Variants in TRPM7 observed in about 807,000 individuals in gnomAD.
TRPM7 encodes LTRPC ion channel family member 7.
TRPM7 carries 134 observed loss-of-function variants against 229.7 expected under a neutral mutation model. The observed-to-expected ratio is 0.58, with a 90% CI of 0.51 to 0.67. TRPM7 has a LOEUF of 0.67. TRPM7 is among the 30% of genes least tolerant of loss of function. The pLI is 0.00. For missense variants in TRPM7, 1,901 were observed against 2,210.0 expected, an observed-to-expected ratio of 0.86 and a Z score of 2.80; for synonymous variants, 699 against 715.2, an observed-to-expected ratio of 0.98 and a Z score of 0.36.
chr15:50,580,518 A>G (rs957741640), intron 30 of TRPM7, among the ~76,000 whole-genome samples: 3 of 152,220 alleles, frequency 2.0e-5, no homozygotes, highest in Non-Finnish European at 4.4e-5. Context: ...AATGATGGAT[A>G]GAGAAATCAA....
chr15:50,601,506 G>A (rs2059778997), intron 21 of TRPM7, among the ~76,000 whole-genome samples: 1 of 152,132 alleles, frequency 6.6e-6, no homozygotes, highest in Non-Finnish European at 1.5e-5. Context: ...GCCGGGCATG[G>A]TGGCGCACAC....
Position 50,574,419 on chromosome 15 carries a change from T to C in TRPM7, c.5163A>G (p.Glu1721=). Residue 1721 remains glutamate (E), a synonymous_variant, in exon 36 of 39, where the codon GAA becomes GAG. Coordinates refer to ENST00000646667, the MANE Select transcript of TRPM7 (RefSeq NM_017672.6). ...HSAGQWFAVE[E]CMTGEFRKYN... is the part of the protein sequence containing the mutation. The stretch of plus-strand genomic sequence containing the variant: ...ATTTTCTAAATTCTCCAGTCATACA[T>C]TCTTCCACAGCAAACCACTGTCCTG... 1 of 1,614,008 alleles carries C rather than the reference T, an allele frequency of 6.2e-7. No individual in the cohort carries two copies.
chr15:50,662,287 C>T (rs1199464562), intron 2 of TRPM7, among the ~76,000 whole-genome samples: 1 of 149,098 alleles, frequency 6.7e-6, no homozygotes, highest in East Asian at 2.0e-4. Flanking sequence ...CTGGAGGGAG[C>T]TTGTACTCCA....
At chr15:50,625,274 A>G (rs1282391000) in intron 11 of TRPM7, among the ~76,000 whole-genome samples, 1 of 152,178 alleles carries the variant, frequency 6.6e-6, no homozygotes, top group East Asian at 1.9e-4. Context: ...TTTTTTACCC[A>G]TTATTTTTCA....
intron 1 of TRPM7, among the ~76,000 whole-genome samples, chr15:50,672,914 A>G (rs2062021084): frequency 6.6e-6 from 1 of 150,434 alleles, no homozygotes; most frequent in Non-Finnish European, 1.5e-5. Context: ...AAAAAAAAAA[A>G]AAAAAAAAAA....
chr15:50,671,740 T>C (rs1233245943), intron 1 of TRPM7, among the ~76,000 whole-genome samples: 2 of 151,700 alleles, frequency 1.3e-5, no homozygotes, highest in Non-Finnish European at 2.9e-5. Context: ...AGCCCAGGAG[T>C]TTGAGGTTAA....
chr15:50,593,953 G>C (rs1006949227), intron 24 of TRPM7, among the ~76,000 whole-genome samples: 3 of 152,040 alleles, frequency 2.0e-5, no homozygotes, highest in Non-Finnish European at 2.9e-5. Context: ...ATACAATCAG[G>C]TACTTCCTCC....
At chr15:50,647,338 C>G (rs1312221398) in intron 4 of TRPM7, among the ~76,000 whole-genome samples, 2 of 151,298 alleles carry the variant, frequency 1.3e-5, no homozygotes, top group Non-Finnish European at 2.9e-5. Context: ...ACTATGTTGG[C>G]CAGGCTGATC....
intron 1 of TRPM7, among the ~76,000 whole-genome samples, chr15:50,668,605 C>T (rs941747383): frequency 1.3e-5 from 2 of 152,068 alleles, no homozygotes; most frequent in East Asian, 1.9e-4. Flanking sequence ...CCTCCGGGGT[C>T]CAAGTAATTC....
chr15:50,619,677 T>A, intron 13 of TRPM7, 68 bp downstream of exon 13: 12 of 1,275,954 alleles, frequency 9.4e-6, no homozygotes, highest in Non-Finnish European at 1.3e-5. Flanking sequence ...GATTTTTTTT[T>A]TAAAAAACAT....
At chr15:50,585,269 A>G (rs1208951716) in intron 28 of TRPM7, among the ~76,000 whole-genome samples, 1 of 151,916 alleles carries the variant, frequency 6.6e-6, no homozygotes, top group Admixed American at 6.6e-5. Context: ...CACCTTGTTA[A>G]CCAGGATGGT....
intron 7 of TRPM7, among the ~76,000 whole-genome samples, chr15:50,636,607 T>C (rs1596271042): frequency 6.6e-6 from 1 of 152,214 alleles, no homozygotes; most frequent in East Asian, 1.9e-4. Flanking sequence ...GTCCTTAGGT[T>C]ACAAATTTTC....
intron 1 of TRPM7, among the ~76,000 whole-genome samples, chr15:50,679,538 A>ATATTTATTT (rs1400383980): frequency 2.3e-5 from 1 of 43,904 alleles, no homozygotes; most frequent in African/African-American, 1.1e-4. Context: ...ATATATATAT[A>ATATTTATTT]TTTTTTTTTT....
rs34653276 is a variant in TRPM7, at chr15:50,589,319, CAA to C, written c.4389+271_4389+272del. Among the ~76,000 whole-genome samples the C allele has an allele frequency of 7.0e-3, 571 of 81,594 alleles. 7 individuals are homozygous for C. The highest frequency in any genetic ancestry group is 0.024 in the African/African-American group (544 of 22,410). 53.5% of individuals were successfully genotyped at this position (81,594 alleles called of 152,430 possible). ...CCCAGGTGACAGCGAGACTCCGTCT[CAA>C]AAAAAAAAAAAAAAAAAAAAGAGAG... On this transcript the variant is annotated intron_variant, in intron 27 of 38. Coordinates refer to ENST00000646667, the MANE Select transcript of TRPM7 (RefSeq NM_017672.6).
intron 8 of TRPM7, among the ~76,000 whole-genome samples, chr15:50,633,993 G>T (rs976990091): frequency 1.3e-5 from 2 of 152,120 alleles, no homozygotes; most frequent in Non-Finnish European, 2.9e-5. Flanking sequence ...ATCCAACACT[G>T]TATTCTAAAA....
intron 28 of TRPM7, among the ~76,000 whole-genome samples, chr15:50,586,088 A>G (rs1035993417): frequency 3.9e-5 from 6 of 152,244 alleles, no homozygotes; most frequent in Non-Finnish European, 8.8e-5. Context: ...ATAAGTGATG[A>G]TACAGATTAA....
intron 1 of TRPM7, among the ~76,000 whole-genome samples, chr15:50,682,835 T>G (rs948793181): frequency 6.6e-6 from 1 of 152,012 alleles, no homozygotes; most frequent in Non-Finnish European, 1.5e-5. Flanking sequence ...AAAATCCCCA[T>G]AGTCAAGTAA....
intron 3 of TRPM7, among the ~76,000 whole-genome samples, chr15:50,650,374 A>C (rs2061389737): frequency 6.6e-6 from 1 of 152,030 alleles, no homozygotes; most frequent in Non-Finnish European, 1.5e-5. Context: ...CCTCAAAAAA[A>C]GTATCATTAA....
intron 6 of TRPM7, among the ~76,000 whole-genome samples, chr15:50,637,867 C>G (rs1448076846): frequency 6.6e-6 from 1 of 152,136 alleles, no homozygotes; most frequent in Non-Finnish European, 1.5e-5. Flanking sequence ...CAATAAATAA[C>G]TAAATAGTGC....
Sources: allele counts gnomAD v4.1 joint callset (sites outside exome capture counted in the v4.1 genomes callset), GRCh38; gene constraint gnomAD v4.1.1; transcripts MANE v1.5; gene names NCBI Gene and HGNC (gene_info 2026-07-23, HGNC 2026-07-21).